EML6: variants seen among roughly 807,000 people sequenced by gnomAD.
EML6 encodes EMAP like 6.
EML6 carries 154 observed loss-of-function variants against 240.1 expected under a neutral mutation model. The ratio of observed to expected loss-of-function variants is 0.64; its 90% CI spans 0.56 to 0.73. The LOEUF is 0.73. Ranked by LOEUF, EML6 falls within the 30% of genes least tolerant of loss-of-function variation. The pLI is 0.00. For synonymous variants in EML6, 1,148 were observed against 899.0 expected (o/e 1.28, Z -4.95); for missense variants, 2,964 against 2,474.6 (o/e 1.20, Z -4.20).
chr2:54,970,239 G>C lies in EML6; in HGVS notation c.*144G>C. On this transcript the variant is annotated 3_prime_UTR_variant, in exon 42 of 42. Transcript: ENST00000356458. The stretch of plus-strand genomic sequence containing the variant: ...TGCACAAGCTCAAAACGCTGCAGAA[G>C]TTACACAACTGCTCCCATAATCTGG... 1.3e-6 allele frequency: 1 copy of C among 772,178 alleles called. No individual in the cohort carries two copies. The highest frequency in any genetic ancestry group is 2.2e-6 in the Non-Finnish European group (1 of 453,082). The allele number at this position is 772,178 out of a possible 1,614,324, so 47.8% of individuals were successfully genotyped here.
chr2:54,882,709 T>G (rs999244692), intron 17 of EML6: 3 of 151,072 alleles, frequency 2.0e-5, no homozygotes, highest in Non-Finnish European at 2.9e-5. Context: ...ATACAAAAAA[T>G]TAGCCAGGCC....
At chr2:54,917,358 GT>G (rs147785699) in intron 26 of EML6, among the ~76,000 whole-genome samples, 8,320 of 123,944 alleles carry the variant, frequency 0.067, 476 homozygotes, top group African/African-American at 0.2. Flanking sequence ...TTTTTTTTTT[GT>G]TTTTTTTTTT....
chr2:54,835,290 A>T (rs1255630588), intron 7 of EML6, among the ~76,000 whole-genome samples: 1 of 152,188 alleles, frequency 6.6e-6, no homozygotes. Context: ...AAAGGTAGGG[A>T]TCTTTGTTCA....
intron 28 of EML6, among the ~76,000 whole-genome samples, chr2:54,943,249 C>T (rs555612506): frequency 3.3e-5 from 5 of 152,196 alleles, no homozygotes; most frequent in Non-Finnish European, 7.3e-5. Flanking sequence ...TCACCTTCTT[C>T]CCTCTCTTCT....
At chr2:54,789,316 A>G (rs1042431552) in intron 2 of EML6, among the ~76,000 whole-genome samples, 1 of 151,898 alleles carries the variant, frequency 6.6e-6, no homozygotes, top group East Asian at 1.9e-4. Context: ...GATCGAGACC[A>G]TCCTGGCTAA....
intron 5 of EML6, among the ~76,000 whole-genome samples, chr2:54,822,440 G>T (rs962765995): frequency 2.0e-5 from 3 of 152,132 alleles, no homozygotes; most frequent in Non-Finnish European, 4.4e-5. Flanking sequence ...TCATTGCTGA[G>T]TAACTTATCA....
At chr2:54,832,031 C>T (rs116350521) in intron 7 of EML6, among the ~76,000 whole-genome samples, 417 of 152,260 alleles carry the variant, frequency 2.7e-3, no homozygotes, top group Non-Finnish European at 4.6e-3. Flanking sequence ...TTGGAGCACC[C>T]ACCTAAAATT....
intron 14 of EML6, chr2:54,868,884 C>A: frequency 3.3e-6 from 1 of 300,712 alleles, no homozygotes; most frequent in Non-Finnish European, 6.2e-6. Context: ...AAAGGAATAC[C>A]TGTGCCTCAT....
At chr2:54,805,975 C>T (rs775124143) in intron 2 of EML6, among the ~76,000 whole-genome samples, 1 of 152,122 alleles carries the variant, frequency 6.6e-6, no homozygotes, top group Non-Finnish European at 1.5e-5. Context: ...GTGGGTCTCT[C>T]TATGGATTCA....
intron 2 of EML6, among the ~76,000 whole-genome samples, chr2:54,736,842 C>G (rs1409730657): frequency 6.6e-6 from 1 of 152,098 alleles, no homozygotes; most frequent in Non-Finnish European, 1.5e-5. Flanking sequence ...ATTTTCTTGC[C>G]AAAAATGCAT....
intron 16 of EML6, among the ~76,000 whole-genome samples, chr2:54,874,759 G>C (rs1671420663): frequency 6.6e-6 from 1 of 152,180 alleles, no homozygotes; most frequent in Admixed American, 6.5e-5. Flanking sequence ...GAAAGTGTGA[G>C]CTGAGGCCTG....
In EML6 at chr2:54,908,212, T is replaced by G. The variant is rs564295318; in HGVS notation, c.3410-2742T>G. Among the ~76,000 whole-genome samples the G allele has an allele frequency of 1.3e-4, 17 of 135,492 alleles. No individual in the cohort carries two copies. In the South Asian group the frequency reaches 3.7e-3, roughly 29 times the overall value. The allele number at this position is 135,492 out of a possible 152,430, so 88.9% of individuals were successfully genotyped here. On this transcript the variant is annotated intron_variant, in intron 24 of 41. Coordinates refer to ENST00000356458, the MANE Select transcript of EML6 (RefSeq NM_001039753.4). ...GAAACCCACTCAAACCAGCTTAAAC[T>G]TTTTTTTTTTTTTTTGAGACAGGGT... is the stretch of plus-strand genomic sequence containing the variant.
rs191024353 is a variant in EML6, at chr2:54,771,166, G to A, written c.198-42066G>A. On this transcript the variant is annotated intron_variant, in intron 2 of 41. Transcript: ENST00000356458. ...TGTAATTTACTGAGCAGTTAATGGC[G>A]TGCTACACATTTTTGGAGTTATAAT... 9.1e-4 allele frequency among the ~76,000 whole-genome samples: 139 copies of A among 152,224 alleles called. 2 individuals are homozygous for A. The South Asian group carries it at 0.01, about 11-fold the overall frequency.
chr2:54,908,978 A>G (rs953433928), intron 24 of EML6, among the ~76,000 whole-genome samples: 2 of 152,166 alleles, frequency 1.3e-5, no homozygotes, highest in Non-Finnish European at 2.9e-5. Context: ...GTACTTGTCT[A>G]TGTGTTTAGA....
At chr2:54,752,263 A>G (rs962443103) in intron 2 of EML6, among the ~76,000 whole-genome samples, 5 of 152,234 alleles carry the variant, frequency 3.3e-5, no homozygotes, top group Admixed American at 6.5e-5. Context: ...AAAATTATTC[A>G]TAGTTGAACC....
chr2:54,871,904 C>G (rs1015558172), intron 16 of EML6, among the ~76,000 whole-genome samples: 3 of 152,208 alleles, frequency 2.0e-5, no homozygotes, highest in Non-Finnish European at 2.9e-5. Flanking sequence ...TCTGTATTTG[C>G]TTGAGCAATT....
At chr2:54,928,009 A>G (rs1236095880) in intron 26 of EML6, among the ~76,000 whole-genome samples, 2 of 152,252 alleles carry the variant, frequency 1.3e-5, no homozygotes, top group Non-Finnish European at 2.9e-5. Context: ...GAGGCAGCAC[A>G]TTTGACATTT....
intron 2 of EML6, among the ~76,000 whole-genome samples, chr2:54,797,189 A>T (rs1024773044): frequency 1.4e-5 from 2 of 138,800 alleles, no homozygotes; most frequent in Non-Finnish European, 3.2e-5. Context: ...AAAAAAAAAA[A>T]CTGTGATCTT....
At chr2:54,917,358 G>GTT (rs147785699) in intron 26 of EML6, among the ~76,000 whole-genome samples, 36 of 123,818 alleles carry the variant, frequency 2.9e-4, no homozygotes, top group South Asian at 1.0e-3. Context: ...TTTTTTTTTT[G>GTT]TTTTTTTTTT....
Sources: allele counts gnomAD v4.1 joint callset (sites outside exome capture counted in the v4.1 genomes callset), GRCh38; gene constraint gnomAD v4.1.1; transcripts MANE v1.5; gene names NCBI Gene and HGNC (gene_info 2026-07-23, HGNC 2026-07-21).